GARNL3: variants seen among roughly 807,000 people sequenced by gnomAD.
The protein encoded by GARNL3 is GTPase-activating Rap/Ran-GAP domain-like protein 3.
Under a neutral mutation model 125.0 loss-of-function variants are expected in GARNL3, and 63 were observed. The ratio of observed to expected loss-of-function variants is 0.50; its 90% CI spans 0.41 to 0.62. The LOEUF is 0.62. Among genes scored for constraint, GARNL3 ranks in the 20% least tolerant of loss-of-function variants. GARNL3 has a pLI of 0.00. For missense variants in GARNL3, 994 were observed against 1,244.0 expected, an observed-to-expected ratio of 0.80 and a Z score of 3.02; for synonymous variants, 439 against 457.5, an observed-to-expected ratio of 0.96 and a Z score of 0.52.
intron 1 of GARNL3, among the ~76,000 whole-genome samples, chr9:127,278,511 T>A (rs1554898528): frequency 6.6e-6 from 1 of 152,252 alleles, no homozygotes; most frequent in Non-Finnish European, 1.5e-5. Flanking sequence ...GTATCTTTTC[T>A]TAATCATTAC....
At chr9:127,331,402 G>A (rs547642933) in intron 7 of GARNL3, among the ~76,000 whole-genome samples, 7 of 151,818 alleles carry the variant, frequency 4.6e-5, no homozygotes, top group Non-Finnish European at 8.8e-5. Flanking sequence ...CTGAGGCAGG[G>A]GAATTGCTTG....
At chr9:127,277,670 T>C (rs192071193) in intron 1 of GARNL3, among the ~76,000 whole-genome samples, 280 of 152,152 alleles carry the variant, frequency 1.8e-3, no homozygotes, top group Non-Finnish European at 3.4e-3. Flanking sequence ...TTAGCTCATG[T>C]GGCCCATGAT....
At chr9:127,277,036 A>G (rs2063974986) in intron 1 of GARNL3, among the ~76,000 whole-genome samples, 1 of 152,222 alleles carries the variant, frequency 6.6e-6, no homozygotes, top group Non-Finnish European at 1.5e-5. Flanking sequence ...GGTTATATTT[A>G]CTTGAAAGAT....
At chr9:127,390,519 A>C in intron 26 of GARNL3, 122 bp from the exon 27 acceptor site, 1 of 849,382 alleles carries the variant, frequency 1.2e-6, no homozygotes, top group Non-Finnish European at 1.9e-6. Context: ...ATATTCTATC[A>C]TCTTTCTTCC....
intron 1 of GARNL3, among the ~76,000 whole-genome samples, chr9:127,267,931 T>A (rs546010137): frequency 6.6e-6 from 1 of 152,222 alleles, no homozygotes; most frequent in Non-Finnish European, 1.5e-5. Flanking sequence ...TTGTGAAGAA[T>A]GAAGCTCGGC....
intron 21 of GARNL3, 86 bp from the exon 22 acceptor site, chr9:127,365,214 C>A: frequency 8.9e-7 from 1 of 1,125,044 alleles, no homozygotes; most frequent in Non-Finnish European, 1.4e-6. Flanking sequence ...AGGGCCTCGG[C>A]CTCCACAAAT....
intron 2 of GARNL3, among the ~76,000 whole-genome samples, chr9:127,304,832 C>T (rs1337758063): frequency 2.0e-5 from 3 of 152,058 alleles, no homozygotes; most frequent in Admixed American, 6.6e-5. Flanking sequence ...CCACCAAGCC[C>T]GGCCAGTGGC....
chr9:127,332,843 TC>T lies in GARNL3; in HGVS notation c.671-178del, dbSNP rs1829339207. On this transcript the variant is annotated intron_variant, in intron 8 of 27. Transcript: ENST00000373387. ...TTCTGCAGTTTTCCTTTCCTTGGAG[TC>T]CTGGGAATTGTGGGGCTTCCTCATG... 2.6e-5 allele frequency among the ~76,000 whole-genome samples: 4 copies of T among 152,200 alleles called. No homozygotes were observed. In the South Asian group the frequency reaches 8.3e-4, roughly 32 times the overall value.
intron 21 of GARNL3, among the ~76,000 whole-genome samples, chr9:127,358,255 A>G (rs1362412778): frequency 6.6e-6 from 1 of 152,284 alleles, no homozygotes; most frequent in Non-Finnish European, 1.5e-5. Context: ...AGCAGATCAC[A>G]GAGCTTTTCA....
At chr9:127,287,320 A>C (rs2064279281) in intron 1 of GARNL3, among the ~76,000 whole-genome samples, 1 of 152,162 alleles carries the variant, frequency 6.6e-6, no homozygotes, top group Non-Finnish European at 1.5e-5. Context: ...AGATTGTGTC[A>C]TTCCTGAGCC....
At chr9:127,294,936 C>A (rs1049497301) in intron 2 of GARNL3, among the ~76,000 whole-genome samples, 1 of 152,152 alleles carries the variant, frequency 6.6e-6, no homozygotes, top group Non-Finnish European at 1.5e-5. Flanking sequence ...AAACAGAGGA[C>A]CATGGTGCAA....
intron 2 of GARNL3, among the ~76,000 whole-genome samples, chr9:127,304,740 T>C (rs2064901187): frequency 6.6e-6 from 1 of 152,082 alleles, no homozygotes; most frequent in Non-Finnish European, 1.5e-5. Context: ...TTTAGCTTTG[T>C]TGGCCAGACT....
rs571083231 is a variant in GARNL3, at chr9:127,303,341, G to A, written c.220-8295G>A. On this transcript the variant is annotated intron_variant, in intron 2 of 27. Transcript: ENST00000373387. ...GAATGTGTGATATGTGTGTATGTGT[G>A]TATAAAGTAAACACATCTTTGTAAA... Among the ~76,000 whole-genome samples, 13 of 152,074 alleles carry A rather than the reference G, an allele frequency of 8.5e-5. No individual in the cohort carries two copies. The South Asian group carries it at 1.2e-3, about 15-fold the overall frequency.
At chr9:127,267,781 T>C (rs893176204) in intron 1 of GARNL3, among the ~76,000 whole-genome samples, 2 of 152,254 alleles carry the variant, frequency 1.3e-5, no homozygotes, top group African/African-American at 4.8e-5. Flanking sequence ...ACTTTTCTTA[T>C]GCCTGCTGTG....
chr9:127,360,320 C>G (rs1299818605), intron 21 of GARNL3, among the ~76,000 whole-genome samples: 1 of 151,998 alleles, frequency 6.6e-6, no homozygotes, highest in East Asian at 1.9e-4. Context: ...CCGCACCCGG[C>G]CAAGAAAAAA....
chr9:127,268,859 G>A (rs943394474), intron 1 of GARNL3, among the ~76,000 whole-genome samples: 1 of 152,072 alleles, frequency 6.6e-6, no homozygotes, highest in African/African-American at 2.4e-5. Context: ...TTGTCCTTTT[G>A]TATCTGGTTT....
chr9:127,326,735 G>A (rs1327161501), intron 7 of GARNL3, among the ~76,000 whole-genome samples: 1 of 152,102 alleles, frequency 6.6e-6, no homozygotes, highest in Non-Finnish European at 1.5e-5. Flanking sequence ...TAGGAGGTGG[G>A]GCCTTGGGAA....
intron 8 of GARNL3, 23 bp downstream of exon 8, chr9:127,332,372 C>T: frequency 6.3e-7 from 1 of 1,596,984 alleles, no homozygotes; most frequent in Non-Finnish European, 8.6e-7. Context: ...CTCCCGCTCT[C>T]TGCTGCCAGA....
chr9:127,292,138 T>C (rs1410861583), intron 2 of GARNL3, among the ~76,000 whole-genome samples: 4 of 152,220 alleles, frequency 2.6e-5, no homozygotes, highest in Non-Finnish European at 5.9e-5. Flanking sequence ...TGAATTTAAC[T>C]TGAAAGCCCA....
Sources: gnomAD v4.1 joint callset for allele counts (sites outside exome capture counted in the v4.1 genomes callset) on GRCh38, gnomAD v4.1.1 for gene constraint, MANE v1.5 for transcripts, NCBI Gene and HGNC (gene_info 2026-07-23, HGNC 2026-07-21) for gene names.